FRMD5: variants seen among roughly 807,000 people sequenced by gnomAD.
FRMD5 encodes the protein FERM domain-containing protein 5.
FRMD5 carries 20 observed loss-of-function variants against 69.0 expected under a neutral mutation model. That is an observed-to-expected ratio of 0.29 (90% CI 0.20 to 0.42). FRMD5 has a LOEUF of 0.42. Ranked by LOEUF, FRMD5 falls within the 10% of genes least tolerant of loss-of-function variation. The pLI is 1.00. For missense variants in FRMD5, 595 were observed against 708.6 expected, an observed-to-expected ratio of 0.84 and a Z score of 1.82; for synonymous variants, 271 against 260.1, an observed-to-expected ratio of 1.04 and a Z score of -0.40.
intron 1 of FRMD5, among the ~76,000 whole-genome samples, chr15:44,093,423 G>A (rs2076503668): frequency 6.6e-6 from 1 of 152,018 alleles, no homozygotes; most frequent in South Asian, 2.1e-4. Context: ...TGGCTGATGA[G>A]CACTTCTCCT....
chr15:43,906,023 T>C (rs1795864946), intron 5 of FRMD5, 72 bp from the exon 6 acceptor site: 2 of 1,592,018 alleles, frequency 1.3e-6, no homozygotes, highest in African/African-American at 1.3e-5. Flanking sequence ...AACAAGAGAT[T>C]AGCACACAGA....
chr15:44,057,190 T>C (rs1185105819), intron 1 of FRMD5, among the ~76,000 whole-genome samples: 1 of 151,922 alleles, frequency 6.6e-6, no homozygotes. Flanking sequence ...AGTGACACGA[T>C]CTCGGCTCAC....
chr15:43,898,592 A>G (rs1020706610), intron 7 of FRMD5, among the ~76,000 whole-genome samples: 1 of 152,258 alleles, frequency 6.6e-6, no homozygotes, highest in Non-Finnish European at 1.5e-5. Flanking sequence ...GCCAAAGTAC[A>G]GTGCTGCAGG....
At chr15:43,990,633 C>T (rs1341289818) in intron 1 of FRMD5, among the ~76,000 whole-genome samples, 1 of 152,124 alleles carries the variant, frequency 6.6e-6, no homozygotes, top group Non-Finnish European at 1.5e-5. Flanking sequence ...TTTAGGAACA[C>T]GAGGTGAGTT....
chr15:44,015,123 C>T (rs1382713616), intron 1 of FRMD5, among the ~76,000 whole-genome samples: 2 of 151,790 alleles, frequency 1.3e-5, no homozygotes, highest in African/African-American at 4.8e-5. Context: ...GAGACCCAAG[C>T]AAGCCTTACT....
chr15:44,158,949 T>C (rs1357008691), intron 1 of FRMD5, among the ~76,000 whole-genome samples: 1 of 152,152 alleles, frequency 6.6e-6, no homozygotes, highest in East Asian at 1.9e-4. Flanking sequence ...GGCAGGAGTA[T>C]GCCCAGCATG....
intron 2 of FRMD5, among the ~76,000 whole-genome samples, chr15:43,920,030 CA>C (rs1344181837): frequency 6.6e-6 from 1 of 152,170 alleles, no homozygotes; most frequent in Non-Finnish European, 1.5e-5. Context: ...CTTCAGATGC[CA>C]TTTATGGGCT....
intron 1 of FRMD5, among the ~76,000 whole-genome samples, chr15:44,189,822 G>A (rs1566994364): frequency 6.6e-6 from 1 of 152,032 alleles, no homozygotes; most frequent in East Asian, 1.9e-4. Flanking sequence ...TGGTCACCAG[G>A]GTCTAGGGTC....
chr15:44,042,699 G>C (rs1892254774), intron 1 of FRMD5, among the ~76,000 whole-genome samples: 1 of 152,192 alleles, frequency 6.6e-6, no homozygotes, highest in Admixed American at 6.5e-5. Flanking sequence ...CTCAATAGAT[G>C]CAGAAAAGGC....
At chr15:43,995,865 G>C (rs931988718) in intron 1 of FRMD5, among the ~76,000 whole-genome samples, 7 of 152,118 alleles carry the variant, frequency 4.6e-5, no homozygotes, top group Admixed American at 3.9e-4. Context: ...GATGTTCCTA[G>C]AGCCTGTGTC....
At chr15:44,184,738 A>C (rs914912061) in intron 1 of FRMD5, among the ~76,000 whole-genome samples, 2 of 152,268 alleles carry the variant, frequency 1.3e-5, no homozygotes, top group African/African-American at 2.4e-5. Context: ...AAAGATGGCA[A>C]GAAATAAAAT....
chr15:43,941,417 C>T (rs2089861435), intron 1 of FRMD5, among the ~76,000 whole-genome samples: 1 of 152,206 alleles, frequency 6.6e-6, no homozygotes, highest in Non-Finnish European at 1.5e-5. Context: ...CCATGCCTGG[C>T]TACTTGTACA....
chr15:44,136,966 T>C (rs1055422539), intron 1 of FRMD5, among the ~76,000 whole-genome samples: 6 of 152,158 alleles, frequency 3.9e-5, no homozygotes, highest in African/African-American at 1.4e-4. Flanking sequence ...AGGAAAATTA[T>C]AGCTGCCATA....
intron 12 of FRMD5, 41 bp downstream of exon 12, chr15:43,884,686 C>T (rs1178088329): frequency 1.3e-6 from 2 of 1,574,524 alleles, no homozygotes; most frequent in Middle Eastern, 1.7e-4. Context: ...ATTCTGGGAT[C>T]TGAGCTACAA....
intron 1 of FRMD5, among the ~76,000 whole-genome samples, chr15:44,176,408 G>A (rs1224295251): frequency 1.3e-5 from 2 of 152,062 alleles, no homozygotes; most frequent in African/African-American, 4.8e-5. Flanking sequence ...CTAAATGTAT[G>A]AGCTAACACT....
At chr15:44,042,863 G>A (rs964888346) in intron 1 of FRMD5, among the ~76,000 whole-genome samples, 24 of 152,166 alleles carry the variant, frequency 1.6e-4, no homozygotes, top group African/African-American at 3.9e-4. Flanking sequence ...TTTGAAAACC[G>A]GCACAAGACA....
chr15:44,064,546 G>A (rs550438492), intron 1 of FRMD5, among the ~76,000 whole-genome samples: 18 of 152,260 alleles, frequency 1.2e-4, no homozygotes, highest in South Asian at 8.3e-4. Context: ...CCGAGATCTC[G>A]TCATTGCACT....
chr15:43,959,521 T>G (rs527652934), intron 1 of FRMD5, among the ~76,000 whole-genome samples: 1 of 152,216 alleles, frequency 6.6e-6, no homozygotes, highest in East Asian at 1.9e-4. Context: ...TAGCTGCAAC[T>G]ATAGAAGTCA....
At chr15:43,913,957 A>T (rs2089336211) in intron 4 of FRMD5, among the ~76,000 whole-genome samples, 1 of 152,182 alleles carries the variant, frequency 6.6e-6, no homozygotes, top group South Asian at 2.1e-4. Context: ...TTCTGAGGAA[A>T]CTGGTTTTTT....
Sources: gnomAD v4.1 joint callset for allele counts (sites outside exome capture counted in the v4.1 genomes callset) on GRCh38, gnomAD v4.1.1 for gene constraint, MANE v1.5 for transcripts, NCBI Gene and HGNC (gene_info 2026-07-23, HGNC 2026-07-21) for gene names.